Variants in FOXN3 observed in about 807,000 individuals in gnomAD.
FOXN3 encodes the protein forkhead box N3.
In FOXN3, 7 loss-of-function variants were observed where a neutral mutation model predicts 38.4. The ratio of observed to expected loss-of-function variants is 0.18; its 90% CI spans 0.10 to 0.34. FOXN3 has a LOEUF of 0.34. Ranked by LOEUF, FOXN3 falls within the 10% of genes least tolerant of loss-of-function variation. The pLI is 1.00. For synonymous variants in FOXN3, 230 were observed against 242.2 expected, an observed-to-expected ratio of 0.95 and a Z score of 0.47; for missense variants, 456 against 613.4, an observed-to-expected ratio of 0.74 and a Z score of 2.71.
intron 2 of FOXN3, among the ~76,000 whole-genome samples, chr14:89,398,621 G>C (rs1428764468): frequency 1.3e-5 from 2 of 152,104 alleles, no homozygotes; most frequent in African/African-American, 2.4e-5. Flanking sequence ...TCACCTAGAA[G>C]AGGTATTCTG....
chr14:89,217,476 C>T (rs1884322211), intron 4 of FOXN3, among the ~76,000 whole-genome samples: 2 of 152,152 alleles, frequency 1.3e-5, no homozygotes, highest in Non-Finnish European at 2.9e-5. Context: ...CTCTGCCACG[C>T]CTAGCTGCTA....
intron 4 of FOXN3, among the ~76,000 whole-genome samples, chr14:89,219,550 G>A (rs1191266796): frequency 6.6e-6 from 1 of 152,188 alleles, no homozygotes; most frequent in Non-Finnish European, 1.5e-5. Flanking sequence ...TTCCCCGAGA[G>A]CATGGCACCA....
intron 1 of FOXN3, among the ~76,000 whole-genome samples, chr14:89,572,528 TATTC>T (rs1895516381): frequency 1.3e-5 from 2 of 152,364 alleles, no homozygotes; most frequent in South Asian, 4.1e-4. Context: ...GGATGCCACA[TATTC>T]ATTCAATTGC....
At position 89,163,116 on chromosome 14, in the gene FOXN3, C is replaced by G. The variant is rs1351167537; in HGVS notation, c.852-147G>C. On this transcript the variant is annotated intron_variant, in intron 5 of 5. Coordinates refer to ENST00000557258, the MANE Select transcript of FOXN3 (RefSeq NM_005197.4). This position sits in a 1 kb window ranked among gnomAD's most constrained non-coding sequence, Gnocchi z 4.3. ...AGCCACTCGCAAACTGTGGGGGCAA[C>G]AGGTGGATCTGCTTTGAAGGCAGGG... The G allele has an allele frequency of 1.0e-5, 7 of 689,728 alleles. No homozygotes were observed. Among genetic ancestry groups the G allele is most frequent in the Non-Finnish European group, 1.3e-5 (6 of 446,154 alleles). The allele number at this position is 689,728 out of a possible 1,614,324, so 42.7% of individuals were successfully genotyped here. A position where few individuals can be genotyped will look rare whatever the true frequency, so the allele number is the denominator to read the frequency against.
chr14:89,564,357 A>G (rs1206536098), intron 1 of FOXN3, among the ~76,000 whole-genome samples: 1 of 152,180 alleles, frequency 6.6e-6, no homozygotes, highest in Non-Finnish European at 1.5e-5. Flanking sequence ...CTACAAATAA[A>G]TGTCCGCAAC....
chr14:89,469,571 C>T (rs952963507), intron 1 of FOXN3, among the ~76,000 whole-genome samples: 2 of 152,222 alleles, frequency 1.3e-5, no homozygotes, highest in Non-Finnish European at 1.5e-5. Flanking sequence ...CTTTCTCCAC[C>T]TCCTCTGTGG....
chr14:89,320,292 T>C (rs1887861180), intron 3 of FOXN3, among the ~76,000 whole-genome samples: 1 of 152,228 alleles, frequency 6.6e-6, no homozygotes, highest in South Asian at 2.1e-4. Context: ...AAGTATTCAT[T>C]CAGCGTATTC....
chr14:89,411,475 AAC>A (rs1340229390), intron 2 of FOXN3, among the ~76,000 whole-genome samples: 1 of 152,158 alleles, frequency 6.6e-6, no homozygotes, highest in Non-Finnish European at 1.5e-5. Context: ...CTTATGCCAG[AAC>A]ACTGGAGAAA....
intron 1 of FOXN3, among the ~76,000 whole-genome samples, chr14:89,470,063 C>T (rs566920511): frequency 7.5e-4 from 114 of 152,324 alleles, no homozygotes; most frequent in South Asian, 1.7e-3. Context: ...CAGACTGAGT[C>T]GTGGTTTCAT....
intron 4 of FOXN3, among the ~76,000 whole-genome samples, chr14:89,252,999 G>C (rs919323775): frequency 2.0e-5 from 3 of 152,180 alleles, no homozygotes; most frequent in African/African-American, 7.2e-5. Context: ...GAGCTTGGAA[G>C]GGGGTTGTCA....
intron 4 of FOXN3, among the ~76,000 whole-genome samples, chr14:89,247,857 A>C (rs1042372105): frequency 6.6e-6 from 1 of 152,174 alleles, no homozygotes; most frequent in Admixed American, 6.5e-5. Context: ...TCTGCTAATC[A>C]TTCCCAATTC....
chr14:89,497,260 T>C (rs1893705130), intron 1 of FOXN3, among the ~76,000 whole-genome samples: 1 of 151,888 alleles, frequency 6.6e-6, no homozygotes, highest in Non-Finnish European at 1.5e-5. Flanking sequence ...CAGCCAATTT[T>C]CTTCCATTTT....
At chr14:89,325,503 G>C (rs560355262) in intron 3 of FOXN3, among the ~76,000 whole-genome samples, 39 of 151,928 alleles carry the variant, frequency 2.6e-4, no homozygotes, top group Admixed American at 3.9e-4. Flanking sequence ...TCATGCAAGA[G>C]TAAGAGGTGA....
chr14:89,518,071 C>A (rs552444513), intron 1 of FOXN3, among the ~76,000 whole-genome samples: 3 of 152,190 alleles, frequency 2.0e-5, no homozygotes, highest in Non-Finnish European at 4.4e-5. Context: ...CAAGACAGAG[C>A]CTTGTGGTTA....
chr14:89,245,571 C>T (rs1049262618), intron 4 of FOXN3, among the ~76,000 whole-genome samples: 14 of 151,918 alleles, frequency 9.2e-5, no homozygotes, highest in African/African-American at 3.1e-4. Context: ...TCATTTATAT[C>T]GTTTCTCAGC....
At chr14:89,550,184 G>A (rs2139861702) in intron 1 of FOXN3, among the ~76,000 whole-genome samples, 1 of 152,288 alleles carries the variant, frequency 6.6e-6, no homozygotes, top group Middle Eastern at 3.4e-3. Flanking sequence ...AGGAAGCTCT[G>A]TGGTCTTTGG....
intron 2 of FOXN3, among the ~76,000 whole-genome samples, chr14:89,366,994 G>A (rs1890179325): frequency 6.6e-6 from 1 of 152,150 alleles, no homozygotes; most frequent in African/African-American, 2.4e-5. Context: ...ACCTGGCCAG[G>A]TAACAGTGAC....
At chr14:89,245,179 A>G (rs532526190) in intron 4 of FOXN3, among the ~76,000 whole-genome samples, 1 of 152,200 alleles carries the variant, frequency 6.6e-6, no homozygotes, top group Non-Finnish European at 1.5e-5. Flanking sequence ...AAACGTGAAT[A>G]AAAACAAAGG....
At chr14:89,488,519 G>A (rs1409820300) in intron 1 of FOXN3, among the ~76,000 whole-genome samples, 1 of 151,866 alleles carries the variant, frequency 6.6e-6, no homozygotes, top group Non-Finnish European at 1.5e-5. Context: ...TAGGTGTGGT[G>A]GTACACGCCT....
Sources: gnomAD v4.1 joint callset for allele counts (sites outside exome capture counted in the v4.1 genomes callset) on GRCh38, gnomAD v4.1.1 for gene constraint, Gnocchi (gnomAD v3.1) non-coding constraint, MANE v1.5 for transcripts, NCBI Gene and HGNC (gene_info 2026-07-23, HGNC 2026-07-21) for gene names.